Variants in GRIA1 observed in about 807,000 individuals in gnomAD.
GRIA1 encodes glutamate ionotropic receptor AMPA type subunit 1, also known as glutamate receptor 1.
A neutral mutation model predicts 99.2 loss-of-function variants in GRIA1; 31 were observed. That is an observed-to-expected ratio of 0.31 (90% CI 0.23 to 0.42). The LOEUF (loss-of-function observed/expected upper bound fraction) is 0.42. Ranked by LOEUF, GRIA1 falls within the 10% of genes least tolerant of loss-of-function variation. The probability of loss-of-function intolerance (pLI) is 1.00; values close to 1 mark genes in which losing one functional copy is unlikely to be tolerated. For synonymous variants in GRIA1, 438 were observed against 432.4 expected (o/e 1.01, Z -0.16); for missense variants, 782 against 1,157.5 (o/e 0.68, Z 4.71).
At chr5:153,791,718 A>G (rs898762804) in intron 13 of GRIA1, among the ~76,000 whole-genome samples, 1 of 152,196 alleles carries the variant, frequency 6.6e-6, no homozygotes, top group Non-Finnish European at 1.5e-5. Context: ...CTGGCCCACA[A>G]TAGGCCCTCA....
chr5:153,702,229 G>A (rs147146400), intron 10 of GRIA1, among the ~76,000 whole-genome samples: 124 of 152,348 alleles, frequency 8.1e-4, no homozygotes, highest in African/African-American at 2.8e-3. Context: ...GCCATATGCT[G>A]CAAATGAAGT....
intron 2 of GRIA1, among the ~76,000 whole-genome samples, chr5:153,574,570 T>G (rs1362438172): frequency 1.3e-5 from 2 of 152,092 alleles, no homozygotes; most frequent in Non-Finnish European, 2.9e-5. Context: ...AGAGAAGTAA[T>G]TTTAGGTAAG....
chr5:153,572,773 G>A (rs1762226424), intron 2 of GRIA1, among the ~76,000 whole-genome samples: 1 of 152,202 alleles, frequency 6.6e-6, no homozygotes, highest in African/African-American at 2.4e-5. Context: ...AATGCCCAGA[G>A]CTTTGAAGAG....
At chr5:153,743,747 G>T (rs12054909) in intron 11 of GRIA1, among the ~76,000 whole-genome samples, 1 of 151,990 alleles carries the variant, frequency 6.6e-6, no homozygotes, top group Admixed American at 6.5e-5. Context: ...ATTAATAAAC[G>T]TAATTACATG....
chr5:153,600,207 T>C (rs527445582), intron 2 of GRIA1, among the ~76,000 whole-genome samples: 15 of 151,862 alleles, frequency 9.9e-5, no homozygotes, highest in Admixed American at 4.6e-4. Flanking sequence ...CTGGCTAACA[T>C]GGTGAAACAC....
intron 2 of GRIA1, among the ~76,000 whole-genome samples, chr5:153,505,267 G>T (rs1410002635): frequency 6.6e-6 from 1 of 152,156 alleles, no homozygotes; most frequent in Admixed American, 6.5e-5. Context: ...AGGTGCACTT[G>T]TTTATTCAAT....
rs961776701 is a variant in GRIA1 at position 153,701,249 on chromosome 5, A to G, written c.1452+2176A>G. Among the ~76,000 whole-genome samples, 3 of 152,266 alleles carry G rather than the reference A, an allele frequency of 2.0e-5. No homozygotes were observed. In the South Asian group the frequency reaches 6.2e-4, roughly 32 times the overall value. ...AGCAGGGCTCAGGCCAGCTGGAGTT[A>G]CCTATGGGTGCCTCAGCAGCCAGGC... On this transcript the variant is annotated intron_variant, in intron 10 of 15. Coordinates refer to ENST00000285900, the MANE Select transcript of GRIA1 (RefSeq NM_000827.4).
chr5:153,796,160 T>C, intron 14 of GRIA1, among the ~76,000 whole-genome samples: 1 of 151,974 alleles, frequency 6.6e-6, no homozygotes, highest in East Asian at 1.9e-4. Context: ...AGGTGTGAAT[T>C]CATGATGAGT....
chr5:153,542,549 A>G (rs1255091188), intron 2 of GRIA1, among the ~76,000 whole-genome samples: 1 of 152,252 alleles, frequency 6.6e-6, no homozygotes, highest in Non-Finnish European at 1.5e-5. Context: ...TCACTTTACT[A>G]AGAGTAAGTG....
intron 2 of GRIA1, among the ~76,000 whole-genome samples, chr5:153,591,217 C>G (rs1015977511): frequency 6.6e-6 from 1 of 152,072 alleles, no homozygotes; most frequent in Non-Finnish European, 1.5e-5. Context: ...AATTTTATAC[C>G]AGGAATTTCT....
At chr5:153,727,204 A>C (rs1042104889) in intron 11 of GRIA1, among the ~76,000 whole-genome samples, 5 of 152,116 alleles carry the variant, frequency 3.3e-5, no homozygotes, top group African/African-American at 1.2e-4. Flanking sequence ...GCTAAAAACT[A>C]TCAATAAATT....
At chr5:153,746,555 T>G (rs1484200174) in intron 11 of GRIA1, among the ~76,000 whole-genome samples, 1 of 152,108 alleles carries the variant, frequency 6.6e-6, no homozygotes, top group Non-Finnish European at 1.5e-5. Flanking sequence ...TGGCCACAGA[T>G]GACAATGCAG....
intron 3 of GRIA1, among the ~76,000 whole-genome samples, chr5:153,648,915 G>T (rs1249442610): frequency 2.0e-5 from 3 of 151,798 alleles, no homozygotes; most frequent in Non-Finnish European, 4.4e-5. Context: ...GGAAAATGAA[G>T]GCTGCAGTTG....
At chr5:153,540,261 C>A (rs563043515) in intron 2 of GRIA1, among the ~76,000 whole-genome samples, 1 of 152,310 alleles carries the variant, frequency 6.6e-6, no homozygotes, top group Non-Finnish European at 1.5e-5. Context: ...TCAGCTTAGG[C>A]CCTGCTGGAG....
chr5:153,782,808 C>T (rs565058426), intron 13 of GRIA1, among the ~76,000 whole-genome samples: 33 of 152,256 alleles, frequency 2.2e-4, no homozygotes, highest in Non-Finnish European at 4.0e-4. Flanking sequence ...GAAAAGCCAC[C>T]GCAAGCATAC....
At chr5:153,728,316 G>A (rs1221610368) in intron 11 of GRIA1, among the ~76,000 whole-genome samples, 1 of 150,378 alleles carries the variant, frequency 6.6e-6, no homozygotes, top group Non-Finnish European at 1.5e-5. Context: ...TCAGGACATA[G>A]GCATAGGCAA....
rs10601141 is a variant in GRIA1 at position 153,740,966 on chromosome 5, CTTTTTTT to C, written c.1824-23449_1824-23443del. 4.0e-4 allele frequency among the ~76,000 whole-genome samples: 31 copies of C among 76,822 alleles called. No homozygotes were observed. In the East Asian group the frequency reaches 7.8e-3, roughly 19 times the overall value. The allele number at this position is 76,822 out of a possible 152,430, so 50.4% of individuals were successfully genotyped here. On this transcript the variant is annotated intron_variant, in intron 11 of 15. Transcript: ENST00000285900. Reference sequence around the variant, plus strand: ...CTTGGCAGGGATGTGAAGAAATTGGCTTTTTTTTTTTTTTTTTTTTTTTTTGAGATGA... The same window carrying C: ...CTTGGCAGGGATGTGAAGAAATTGGCTTTTTTTTTTTTTTTTTTGAGATGA...
Position 153,674,551 on chromosome 5 carries a change from A to T in GRIA1, c.751A>T (p.Thr251Ser). The T allele has an allele frequency of 6.2e-7, 1 of 1,614,084 alleles. No individual in the cohort carries two copies. Among genetic ancestry groups the T allele is most frequent in the South Asian group, 1.1e-5 (1 of 91,080 alleles). The change falls in exon 6 of 16, where the codon ACA becomes TCA. Residue 251 changes from threonine (T) to serine (S), a missense_variant. By Grantham distance (58) the Thr-to-Ser change is moderately conservative (BLOSUM62 1). Transcript: ENST00000285900. ...NKFKESGANV[T>S]GFQLVNYTDT... ...ATTCAAGGAGAGTGGCGCCAATGTG[A>T]CAGGTTTCCAGCTGGTGAACTACAC...
chr5:153,671,459 T>C (rs976767256), intron 5 of GRIA1, among the ~76,000 whole-genome samples: 1 of 152,208 alleles, frequency 6.6e-6, no homozygotes, highest in African/African-American at 2.4e-5. Flanking sequence ...TCTTAGATGG[T>C]ATAACGTCTT....
Sources: allele counts gnomAD v4.1 joint callset (sites outside exome capture counted in the v4.1 genomes callset), GRCh38; gene constraint gnomAD v4.1.1; transcripts MANE v1.5; gene names NCBI Gene and HGNC (gene_info 2026-07-23, HGNC 2026-07-21).